Variants in ZNF407 observed in about 807,000 individuals in gnomAD.
The protein encoded by ZNF407 is zinc finger protein 407.
Under a neutral mutation model 131.2 loss-of-function variants are expected in ZNF407, and 17 were observed. The observed-to-expected ratio is 0.13, with a 90% CI of 0.09 to 0.19. The LOEUF (loss-of-function observed/expected upper bound fraction) is 0.19, where lower values mean the gene tolerates loss of function less well. ZNF407 is among the 10% of genes least tolerant of loss of function. ZNF407 has a pLI of 1.00. For missense variants in ZNF407, 2,681 were observed against 2,830.6 expected (o/e 0.95, Z 1.20); for synonymous variants, 1,156 against 1,062.0 (o/e 1.09, Z -1.72).
chr18:74,876,978 C>T (rs561533346), intron 4 of ZNF407, among the ~76,000 whole-genome samples: 12 of 152,326 alleles, frequency 7.9e-5, no homozygotes, highest in South Asian at 2.1e-4. Flanking sequence ...TTTTCAAACC[C>T]GTTGGGCCCA....
rs114183355 is a variant in ZNF407, at chr18:74,922,673, C to T, written c.5428+1981C>T. 2.1e-3 allele frequency among the ~76,000 whole-genome samples: 322 copies of T among 152,238 alleles called. 4 individuals carry two copies. Among genetic ancestry groups the T allele is most frequent in the African/African-American group, 7.3e-3 (303 of 41,546 alleles). On this transcript the variant is annotated intron_variant, in intron 8 of 8. Coordinates refer to ENST00000299687, the MANE Select transcript of ZNF407 (RefSeq NM_017757.3). ...CTACATTGGTGTATAACTGCAGTTA[C>T]GTGATGTAATTCACGCAAGTAACAC...
At chr18:74,610,145 A>G (rs1982992362) in intron 1 of ZNF407, among the ~76,000 whole-genome samples, 1 of 152,200 alleles carries the variant, frequency 6.6e-6, no homozygotes, top group South Asian at 2.1e-4. Flanking sequence ...TACACAAGCC[A>G]CTCATAAATA....
chr18:74,651,551 AC>A (rs1205625134), intron 3 of ZNF407, among the ~76,000 whole-genome samples: 4 of 152,152 alleles, frequency 2.6e-5, no homozygotes, highest in African/African-American at 9.7e-5. Context: ...TTTTCTGTTG[AC>A]AGTCATCGAC....
chr18:74,657,029 A>T (rs1985489008), intron 3 of ZNF407, among the ~76,000 whole-genome samples: 1 of 149,046 alleles, frequency 6.7e-6, no homozygotes. Context: ...TTGAGTTTGT[A>T]GGTGTGTTTT....
chr18:74,617,862 CT>C (rs1486778751), intron 1 of ZNF407, among the ~76,000 whole-genome samples: 4 of 152,170 alleles, frequency 2.6e-5, no homozygotes, highest in Admixed American at 1.3e-4. Context: ...AACGCCCCCC[CT>C]AGATTTGGTA....
rs1967551501 is a variant in ZNF407, at chr18:74,703,588, A to T, written c.4802+62466A>T. On this transcript the variant is annotated intron_variant, in intron 3 of 8. Transcript: ENST00000299687. The surrounding 1 kb of genome is among the most constrained non-coding windows in gnomAD (Gnocchi z 4.1). ...TCCAGGTTTATCAGGCTGGTCTCGAACTCCTGACCTCAGGTGATCTGCCCT... is the reference window on the plus strand; with the variant it reads ...TCCAGGTTTATCAGGCTGGTCTCGATCTCCTGACCTCAGGTGATCTGCCCT... Among the ~76,000 whole-genome samples, 1 of 151,974 alleles carries T rather than the reference A, an allele frequency of 6.6e-6. No individual in the cohort carries two copies. The highest frequency in any genetic ancestry group is 2.4e-5 in the African/African-American group (1 of 41,378).
At chr18:74,614,991 A>T (rs1003407499) in intron 1 of ZNF407, among the ~76,000 whole-genome samples, 1 of 152,224 alleles carries the variant, frequency 6.6e-6, no homozygotes, top group African/African-American at 2.4e-5. Context: ...AGCTAAGCAG[A>T]TATGAGTGGA....
chr18:74,863,992 T>G (rs989972867), intron 4 of ZNF407, among the ~76,000 whole-genome samples: 17 of 152,326 alleles, frequency 1.1e-4, no homozygotes, highest in African/African-American at 4.1e-4. Flanking sequence ...TAAAGAAACA[T>G]TCAAACCTCT....
chr18:74,841,943 CT>C (rs1183806569), intron 4 of ZNF407, among the ~76,000 whole-genome samples: 1 of 152,126 alleles, frequency 6.6e-6, no homozygotes, highest in African/African-American at 2.4e-5. Flanking sequence ...TGTGAACTTT[CT>C]TTTTCGTGAA....
chr18:74,631,684 A>G lies in ZNF407; in HGVS notation c.665A>G (p.His222Arg). 1 of 1,614,046 alleles carries G rather than the reference A, an allele frequency of 6.2e-7. No individual in the cohort carries two copies. The highest frequency in any genetic ancestry group is 8.5e-7 in the Non-Finnish European group (1 of 1,179,888). The change falls in exon 2 of 9, where the codon CAC becomes CGC. Residue 222 changes from histidine to arginine, a missense_variant. His to Arg is a conservative substitution (Grantham distance 29). This residue lies in a region of ZNF407 where 1,789 missense variants were observed against 1,748.7 expected (regional missense o/e 1.02). Transcript: ENST00000299687. Reference sequence around the variant, plus strand: ...GAACATACCTGTTGTCACTGCAGCCACAAAGCAGAGAGCAGCTCAGCACTA... The same window carrying G: ...GAACATACCTGTTGTCACTGCAGCCGCAAAGCAGAGAGCAGCTCAGCACTA... Reference protein sequence around the residue: ...PKEHTCCHCSHKAESSSALHM... With the variant: ...PKEHTCCHCSRKAESSSALHM...
chr18:74,819,078 A>G (rs1290815815), intron 4 of ZNF407, among the ~76,000 whole-genome samples: 1 of 152,152 alleles, frequency 6.6e-6, no homozygotes, highest in African/African-American at 2.4e-5. Flanking sequence ...GCCTCATCTG[A>G]AGTCCCCCAG....
At chr18:74,885,527 A>G (rs1227307735) in intron 6 of ZNF407, among the ~76,000 whole-genome samples, 1 of 152,204 alleles carries the variant, frequency 6.6e-6, no homozygotes, top group Non-Finnish European at 1.5e-5. Flanking sequence ...GAAATAAGTC[A>G]CCAACATTGA....
intron 8 of ZNF407, among the ~76,000 whole-genome samples, chr18:75,038,761 A>G (rs1599306841): frequency 6.6e-6 from 1 of 152,220 alleles, no homozygotes; most frequent in African/African-American, 2.4e-5. Context: ...TTTAAAATCC[A>G]TGTTTCAATT....
intron 4 of ZNF407, among the ~76,000 whole-genome samples, chr18:74,821,445 C>T (rs968112821): frequency 2.6e-5 from 4 of 151,752 alleles, no homozygotes; most frequent in East Asian, 2.0e-4. Context: ...AACAGGCCCC[C>T]GTGTGTGATG....
intron 3 of ZNF407, among the ~76,000 whole-genome samples, chr18:74,692,946 C>T (rs1967263134): frequency 6.6e-6 from 1 of 152,212 alleles, no homozygotes; most frequent in South Asian, 2.1e-4. Flanking sequence ...CCTGTTTCTG[C>T]ATCCCAGAGG....
chr18:74,791,521 A>G (rs1481817897), intron 4 of ZNF407, among the ~76,000 whole-genome samples: 1 of 152,296 alleles, frequency 6.6e-6, no homozygotes, highest in East Asian at 1.9e-4. Flanking sequence ...GGTGAAATGT[A>G]TCAGCTTTTG....
At chr18:74,980,975 A>G (rs78533254) in intron 8 of ZNF407, among the ~76,000 whole-genome samples, 8,076 of 152,242 alleles carry the variant, frequency 0.053, 709 homozygotes, top group African/African-American at 0.18. Context: ...TCAGGGTATC[A>G]CATCAATGTT....
chr18:74,852,213 G>GCA, intron 4 of ZNF407, among the ~76,000 whole-genome samples: 1 of 151,738 alleles, frequency 6.6e-6, no homozygotes, highest in African/African-American at 2.4e-5. Flanking sequence ...GCACGCACGC[G>GCA]CACGCGCGCG....
intron 8 of ZNF407, among the ~76,000 whole-genome samples, chr18:75,029,763 C>G (rs1181136463): frequency 2.6e-5 from 4 of 152,148 alleles, no homozygotes; most frequent in African/African-American, 9.7e-5. Context: ...TTTGTGCAAA[C>G]CATTGTCAAC....
Sources: gnomAD v4.1 joint callset for allele counts (sites outside exome capture counted in the v4.1 genomes callset) on GRCh38, gnomAD v4.1.1 for gene constraint, gnomAD v4.1.1 regional missense constraint, Gnocchi (gnomAD v3.1) non-coding constraint, MANE v1.5 for transcripts, NCBI Gene and HGNC (gene_info 2026-07-23, HGNC 2026-07-21) for gene names.